RASGRF2: variants seen among roughly 807,000 people sequenced by gnomAD.
RASGRF2 encodes ras-specific guanine nucleotide-releasing factor 2.
RASGRF2 carries 76 observed loss-of-function variants against 151.0 expected under a neutral mutation model. The ratio of observed to expected loss-of-function variants is 0.50; its 90% CI spans 0.42 to 0.61. The LOEUF is 0.61. Among genes scored for constraint, RASGRF2 ranks in the 20% least tolerant of loss-of-function variants. The pLI, the probability that RASGRF2 is intolerant of heterozygous loss-of-function variation, is 0.00. For synonymous variants in RASGRF2, 504 were observed against 566.5 expected, an observed-to-expected ratio of 0.89 and a Z score of 1.57; for missense variants, 1,148 against 1,564.6, an observed-to-expected ratio of 0.73 and a Z score of 4.49.
intron 19 of RASGRF2, among the ~76,000 whole-genome samples, chr5:81,204,734 T>C (rs900231135): frequency 1.3e-5 from 2 of 152,218 alleles, no homozygotes; most frequent in African/African-American, 4.8e-5. Flanking sequence ...GATGTTCAAC[T>C]GTGATGGGCT....
At chr5:81,039,352 C>T (rs943447833) in intron 1 of RASGRF2, among the ~76,000 whole-genome samples, 15 of 152,012 alleles carry the variant, frequency 9.9e-5, no homozygotes, top group Middle Eastern at 3.4e-3. Context: ...AATAAGTAAA[C>T]ACTAACCAAA....
intron 19 of RASGRF2, among the ~76,000 whole-genome samples, chr5:81,206,009 A>G (rs1755497856): frequency 6.6e-6 from 1 of 152,104 alleles, no homozygotes; most frequent in African/African-American, 2.4e-5. Context: ...TACTATTTTA[A>G]TGCTTTGAGT....
intron 17 of RASGRF2, among the ~76,000 whole-genome samples, chr5:81,165,480 G>T (rs1754484449): frequency 6.6e-6 from 1 of 152,138 alleles, no homozygotes; most frequent in Admixed American, 6.5e-5. Context: ...CCAAAGCGAG[G>T]CCCGATTCTT....
chr5:81,145,185 T>C (rs945995610), intron 17 of RASGRF2, among the ~76,000 whole-genome samples: 2 of 152,054 alleles, frequency 1.3e-5, no homozygotes, highest in African/African-American at 4.8e-5. Flanking sequence ...GCCTAGATCA[T>C]GCCATTGCAC....
intron 23 of RASGRF2, 106 bp downstream of exon 23, chr5:81,212,669 C>T (rs974353803): frequency 2.2e-5 from 24 of 1,112,552 alleles, no homozygotes; most frequent in South Asian, 1.4e-4. Flanking sequence ...TGAAATGAGC[C>T]GCTCAGTTGC....
intron 13 of RASGRF2, 49 bp downstream of exon 13, chr5:81,109,127 C>A: frequency 6.3e-7 from 1 of 1,575,416 alleles, no homozygotes; most frequent in Non-Finnish European, 8.7e-7. Context: ...ATTAAATTGG[C>A]GGAACATGTA....
intron 12 of RASGRF2, among the ~76,000 whole-genome samples, chr5:81,107,601 T>A (rs1313514147): frequency 2.0e-5 from 3 of 152,172 alleles, no homozygotes; most frequent in Non-Finnish European, 4.4e-5. Context: ...AAAGTATGTG[T>A]GGTGGTTCCA....
At chr5:81,108,879 TG>T in intron 12 of RASGRF2, 116 bp from the exon 13 acceptor site, 22 of 802,640 alleles carry the variant, frequency 2.7e-5, no homozygotes, top group Non-Finnish European at 3.3e-5. Context: ...TGTGTGTGTG[TG>T]TAAGAGACAG....
rs1202905714 is a variant in RASGRF2 at position 81,073,261 on chromosome 5, C to T, written c.696C>T (p.Tyr232=). 3.7e-6 allele frequency: 6 copies of T among 1,613,880 alleles called. No homozygotes were observed. Among genetic ancestry groups the T allele is most frequent in the East Asian group, 2.2e-5 (1 of 44,874 alleles). Residue 232 remains tyrosine, a synonymous_variant, in exon 5 of 27, where the codon TAC becomes TAT. Transcript: ENST00000265080. ...RRKWKTIVQD[Y]ICSPHAESMR... ...AATGGAAGACCATCGTGCAGGATTACATTTGTTCTCCTCATGCTGAAAGTA... is the reference window on the plus strand; with the variant it reads ...AATGGAAGACCATCGTGCAGGATTATATTTGTTCTCCTCATGCTGAAAGTA...
chr5:80,960,676 G>T lies in RASGRF2; in HGVS notation c.-63G>T. ...GGTCGCGCCCTCGAGGGAGCCAGCT[G>T]GGCCATGGCCGCGAGGCAGGGGTGA... On this transcript the variant is annotated 5_prime_UTR_variant, in exon 1 of 27. Coordinates refer to ENST00000265080, the MANE Select transcript of RASGRF2 (RefSeq NM_006909.3). The surrounding 1 kb of genome is among the most constrained non-coding windows in gnomAD (Gnocchi z 5.5). 1 of 1,345,928 alleles carries T rather than the reference G, an allele frequency of 7.4e-7. No homozygotes were observed. The allele number at this position is 1,345,928 out of a possible 1,614,324, so 83.4% of individuals were successfully genotyped here.
chr5:81,121,827 A>T (rs1201093513), intron 15 of RASGRF2, among the ~76,000 whole-genome samples: 1 of 152,152 alleles, frequency 6.6e-6, no homozygotes. Context: ...AGGGTCGCTC[A>T]CTGTATTCAG....
chr5:81,055,171 G>C (rs1253507521), intron 2 of RASGRF2, among the ~76,000 whole-genome samples: 1 of 152,176 alleles, frequency 6.6e-6, no homozygotes, highest in East Asian at 1.9e-4. Flanking sequence ...ATGTTGAATA[G>C]GAGTGCTGAG....
At chr5:80,962,638 A>AGTT (rs1328897628) in intron 1 of RASGRF2, among the ~76,000 whole-genome samples, 1 of 150,946 alleles carries the variant, frequency 6.6e-6, no homozygotes, top group African/African-American at 2.4e-5. Context: ...AGGGGTGGGG[A>AGTT]GTTGTTACCT....
At chr5:81,219,091 T>G (rs1479688953) in intron 25 of RASGRF2, among the ~76,000 whole-genome samples, 1 of 151,582 alleles carries the variant, frequency 6.6e-6, no homozygotes, top group Non-Finnish European at 1.5e-5. Flanking sequence ...TTTTTTTTTT[T>G]TTAAAGACAC....
At chr5:81,187,331 G>A (rs1755047289) in intron 18 of RASGRF2, among the ~76,000 whole-genome samples, 3 of 152,178 alleles carry the variant, frequency 2.0e-5, no homozygotes, top group Non-Finnish European at 4.4e-5. Context: ...AATGTTAATA[G>A]TCCCACGTGA....
chr5:81,078,111 A>G (rs1258541690), intron 5 of RASGRF2, among the ~76,000 whole-genome samples: 1 of 152,198 alleles, frequency 6.6e-6, no homozygotes, highest in Non-Finnish European at 1.5e-5. Context: ...ATACATATAC[A>G]TAATATGGAA....
intron 1 of RASGRF2, among the ~76,000 whole-genome samples, chr5:80,966,222 A>G (rs1006667599): frequency 1.2e-4 from 18 of 152,058 alleles, no homozygotes; most frequent in African/African-American, 3.9e-4. Context: ...TGATTTGTAC[A>G]TTAACATTTC....
At chr5:81,140,411 A>AATAC (rs1753856141) in intron 17 of RASGRF2, among the ~76,000 whole-genome samples, 2 of 148,432 alleles carry the variant, frequency 1.3e-5, no homozygotes, top group African/African-American at 4.9e-5. Flanking sequence ...CCTATTTTTA[A>AATAC]ACACACACAC....
intron 19 of RASGRF2, among the ~76,000 whole-genome samples, chr5:81,202,128 T>A (rs4703826): frequency 0.041 from 6,266 of 152,206 alleles, 229 homozygotes; most frequent in East Asian, 0.12. Context: ...GGTGGATTTT[T>A]TTTTTGTCCA....
Sources: gnomAD v4.1 joint callset for allele counts (sites outside exome capture counted in the v4.1 genomes callset) on GRCh38, gnomAD v4.1.1 for gene constraint, Gnocchi (gnomAD v3.1) non-coding constraint, MANE v1.5 for transcripts, NCBI Gene and HGNC (gene_info 2026-07-23, HGNC 2026-07-21) for gene names.